The following RARB variants were observed in gnomAD, a reference collection of about 807,000 sequenced individuals.
The protein encoded by RARB is HBV-activated protein.
RARB carries 17 observed loss-of-function variants against 51.9 expected under a neutral mutation model. The observed-to-expected ratio is 0.33, with a 90% CI of 0.22 to 0.49. RARB has a LOEUF of 0.49. RARB is among the 20% of genes least tolerant of loss of function. RARB has a pLI of 0.99. For synonymous variants in RARB, 215 were observed against 195.4 expected, an observed-to-expected ratio of 1.10 and a Z score of -0.84; for missense variants, 369 against 550.8, an observed-to-expected ratio of 0.67 and a Z score of 3.30.
intron 2 of RARB, among the ~76,000 whole-genome samples, chr3:24,967,766 T>G (rs890566781): frequency 6.6e-6 from 1 of 152,182 alleles, no homozygotes; most frequent in Non-Finnish European, 1.5e-5. Context: ...CACTAGAGAC[T>G]GCAAACATTA....
At chr3:24,906,263 G>C (rs950620728) in intron 2 of RARB, among the ~76,000 whole-genome samples, 2 of 152,124 alleles carry the variant, frequency 1.3e-5, no homozygotes, top group African/African-American at 4.8e-5. Context: ...AGAGTTTCTG[G>C]AGCTTAGGGC....
intron 2 of RARB, among the ~76,000 whole-genome samples, chr3:24,955,175 G>A (rs1695983145): frequency 6.6e-6 from 1 of 152,178 alleles, no homozygotes. Context: ...CTCAGCAGAA[G>A]GGGAGCTGGA....
intron 2 of RARB, among the ~76,000 whole-genome samples, chr3:24,906,228 T>G (rs75426973): frequency 0.021 from 3,271 of 152,246 alleles, 151 homozygotes; most frequent in East Asian, 0.18. Context: ...GTAGTCTATT[T>G]GGGAGAGTAT....
chr3:25,428,563 T>C lies in RARB; in HGVS notation c.-169T>C. On this transcript the variant is annotated 5_prime_UTR_variant, in exon 1 of 8. Coordinates refer to ENST00000330688, the MANE Select transcript of RARB (RefSeq NM_000965.5). ...GATCATTTGGATCAATTACAGGCTT[T>C]TAGCTGGCTTGTCTGTCATAATTCA... 1 of 1,321,026 alleles carries C rather than the reference T, an allele frequency of 7.6e-7. No homozygotes were observed. The highest frequency in any genetic ancestry group is 9.7e-7 in the Non-Finnish European group (1 of 1,031,958). The allele number at this position is 1,321,026 out of a possible 1,614,324, so 81.8% of individuals were successfully genotyped here.
intron 3 of RARB, among the ~76,000 whole-genome samples, chr3:25,540,693 T>G (rs149509966): frequency 3.3e-5 from 5 of 152,344 alleles, no homozygotes; most frequent in Non-Finnish European, 5.9e-5. Flanking sequence ...ACATTTTATA[T>G]GGGTTGCCCC....
chr3:25,572,414 G>A (rs957340690), intron 4 of RARB, among the ~76,000 whole-genome samples: 1 of 152,108 alleles, frequency 6.6e-6, no homozygotes, highest in Non-Finnish European at 1.5e-5. Context: ...CTGTGATTTG[G>A]GTTTCGTTGC....
chr3:25,088,566 T>C (rs1397352157), intron 3 of RARB, among the ~76,000 whole-genome samples: 1 of 152,134 alleles, frequency 6.6e-6, no homozygotes, highest in Non-Finnish European at 1.5e-5. Context: ...ATTTTCCATA[T>C]ACCCAATGGG....
intron 4 of RARB, among the ~76,000 whole-genome samples, chr3:25,167,034 C>A (rs1319921907): frequency 6.6e-6 from 1 of 152,136 alleles, no homozygotes; most frequent in Non-Finnish European, 1.5e-5. Flanking sequence ...GCTGTTACTG[C>A]CTTTCTCTTG....
At chr3:25,384,581 T>C (rs1339891684) in intron 5 of RARB, among the ~76,000 whole-genome samples, 1 of 152,200 alleles carries the variant, frequency 6.6e-6, no homozygotes, top group Admixed American at 6.5e-5. Flanking sequence ...ACTCTAGCTT[T>C]GAAATCACAC....
chr3:24,868,041 G>A (rs145121060), intron 2 of RARB, among the ~76,000 whole-genome samples: 271 of 152,222 alleles, frequency 1.8e-3, no homozygotes, highest in African/African-American at 6.0e-3. Context: ...TCTCTGGACG[G>A]CTTGCAGAAA....
At chr3:25,182,674 G>A (rs1048552132) in intron 5 of RARB, among the ~76,000 whole-genome samples, 1 of 152,106 alleles carries the variant, frequency 6.6e-6, no homozygotes, top group Non-Finnish European at 1.5e-5. Context: ...TGTGGTGTCA[G>A]GTTCTATCTC....
chr3:25,223,966 G>A (rs1210805401), intron 5 of RARB, among the ~76,000 whole-genome samples: 1 of 151,858 alleles, frequency 6.6e-6, no homozygotes, highest in Non-Finnish European at 1.5e-5. Flanking sequence ...AATTTTTTGA[G>A]TTATACATGC....
intron 3 of RARB, among the ~76,000 whole-genome samples, chr3:25,563,698 C>A (rs1269862305): frequency 6.6e-6 from 1 of 152,168 alleles, no homozygotes; most frequent in Non-Finnish European, 1.5e-5. Flanking sequence ...AAAATTAAAG[C>A]ATGTTTTAAT....
chr3:25,521,948 T>A (rs1698418099), intron 3 of RARB, among the ~76,000 whole-genome samples: 1 of 152,072 alleles, frequency 6.6e-6, no homozygotes. Context: ...TGTTAAGTGG[T>A]TTTTGAACAT....
intron 2 of RARB, among the ~76,000 whole-genome samples, chr3:24,878,027 A>G (rs535691177): frequency 6.6e-6 from 1 of 152,292 alleles, no homozygotes; most frequent in East Asian, 1.9e-4. Flanking sequence ...TAAAAGTACT[A>G]CACGTGCAAG....
intron 3 of RARB, among the ~76,000 whole-genome samples, chr3:25,122,236 T>C (rs771054287): frequency 1.3e-5 from 2 of 152,062 alleles, no homozygotes; most frequent in Non-Finnish European, 2.9e-5. Flanking sequence ...TTGAGGTTGG[T>C]GGTATTTGAG....
intron 2 of RARB, among the ~76,000 whole-genome samples, chr3:25,055,417 G>A (rs1255149814): frequency 6.6e-6 from 1 of 152,066 alleles, no homozygotes; most frequent in Non-Finnish European, 1.5e-5. Flanking sequence ...TATGCACTGA[G>A]GGCCCTTAAG....
chr3:25,334,291 A>G (rs1166860214), intron 5 of RARB, among the ~76,000 whole-genome samples: 1 of 152,208 alleles, frequency 6.6e-6, no homozygotes, highest in African/African-American at 2.4e-5. Context: ...ATGTCCATTA[A>G]TGATAGACCG....
intron 5 of RARB, among the ~76,000 whole-genome samples, chr3:25,417,506 A>T (rs909324206): frequency 3.3e-5 from 5 of 152,168 alleles, no homozygotes; most frequent in African/African-American, 1.2e-4. Flanking sequence ...TAAGTCTCAC[A>T]AAATCCAATG....
Sources: gnomAD v4.1 joint callset for allele counts (sites outside exome capture counted in the v4.1 genomes callset) on GRCh38, gnomAD v4.1.1 for gene constraint, MANE v1.5 for transcripts, NCBI Gene and HGNC (gene_info 2026-07-23, HGNC 2026-07-21) for gene names.